The following EFCAB6 variants were observed in gnomAD, a reference collection of about 807,000 sequenced individuals.
EFCAB6 encodes EF-hand calcium binding domain 6.
In EFCAB6, 156 loss-of-function variants were observed where a neutral mutation model predicts 169.8. The ratio of observed to expected loss-of-function variants is 0.92; its 90% CI spans 0.81 to 1.05. The LOEUF (loss-of-function observed/expected upper bound fraction) is 1.05, where lower values mean the gene tolerates loss of function less well. EFCAB6 is among the 50% of genes least tolerant of loss of function. EFCAB6 has a pLI of 0.00. For missense variants in EFCAB6, 1,800 were observed against 1,829.1 expected (o/e 0.98, Z 0.29); for synonymous variants, 698 against 676.4 (o/e 1.03, Z -0.50).
At chr22:43,590,949 G>A (rs1001906464) in intron 23 of EFCAB6, among the ~76,000 whole-genome samples, 5 of 152,038 alleles carry the variant, frequency 3.3e-5, no homozygotes, top group Non-Finnish European at 5.9e-5. Context: ...GCTGGGGCAA[G>A]GGAGTGCCAG....
At chr22:43,577,867 TG>T (rs34868137) in intron 25 of EFCAB6, among the ~76,000 whole-genome samples, 1 of 144,700 alleles carries the variant, frequency 6.9e-6, no homozygotes, top group African/African-American at 2.6e-5. Context: ...CCAAGGAAAT[TG>T]GGATGTGATT....
At chr22:43,588,706 A>G (rs1287767130) in intron 24 of EFCAB6, among the ~76,000 whole-genome samples, 2 of 152,230 alleles carry the variant, frequency 1.3e-5, no homozygotes, top group Non-Finnish European at 2.9e-5. Flanking sequence ...GCAATCTTCA[A>G]GAAGATGAAG....
chr22:43,668,223 A>C (rs2057347203), intron 16 of EFCAB6, among the ~76,000 whole-genome samples: 1 of 152,224 alleles, frequency 6.6e-6, no homozygotes, highest in African/African-American at 2.4e-5. Flanking sequence ...GCTATGACAA[A>C]GTGAAGTCTG....
intron 24 of EFCAB6, among the ~76,000 whole-genome samples, chr22:43,582,514 T>A (rs1341304827): frequency 6.6e-6 from 1 of 152,192 alleles, no homozygotes; most frequent in African/African-American, 2.4e-5. Flanking sequence ...TTCAGTTCAA[T>A]AAGAACTCAG....
rs373894853 is a variant in EFCAB6 at position 43,540,238 on chromosome 22, G to A, written c.3768C>T (p.Ala1256=). 5.6e-6 allele frequency: 9 copies of A among 1,614,084 alleles called. No individual in the cohort carries two copies. Among genetic ancestry groups the A allele is most frequent in the African/African-American group, 5.3e-5 (4 of 74,926 alleles). ...AATPMATGDS[A]VAQRGSSVPD... ...GGACACTGCTCCCTCTCTGGGCCAC[G>A]GCCGAGTCACCAGTGGCCATTGGTG... Residue 1256 remains alanine, a synonymous_variant, in exon 28 of 32, where the codon GCC becomes GCT. Coordinates refer to ENST00000262726, the MANE Select transcript of EFCAB6 (RefSeq NM_022785.4).
At chr22:43,743,791 A>G (rs1201122268) in intron 6 of EFCAB6, among the ~76,000 whole-genome samples, 1 of 152,182 alleles carries the variant, frequency 6.6e-6, no homozygotes, top group Non-Finnish European at 1.5e-5. Flanking sequence ...AGAAGCCTAG[A>G]GATGGAGGAA....
At chr22:43,684,039 G>C (rs1016574502) in intron 11 of EFCAB6, among the ~76,000 whole-genome samples, 184 bp from the exon 12 acceptor site, 5 of 152,178 alleles carry the variant, frequency 3.3e-5, no homozygotes, top group African/African-American at 9.7e-5. Context: ...TGATCAGAGA[G>C]ATGCCACGAA....
intron 26 of EFCAB6, among the ~76,000 whole-genome samples, chr22:43,555,412 C>G (rs936753379): frequency 3.1e-4 from 47 of 152,332 alleles, no homozygotes; most frequent in Non-Finnish European, 1.8e-4. Flanking sequence ...TCTATTCATG[C>G]CTTCAGGCTG....
chr22:43,555,407 T>G (rs541267226), intron 26 of EFCAB6, among the ~76,000 whole-genome samples: 1 of 152,310 alleles, frequency 6.6e-6, no homozygotes, highest in East Asian at 1.9e-4. Context: ...TCTCATCTAT[T>G]CATGCCTTCA....
intron 25 of EFCAB6, among the ~76,000 whole-genome samples, chr22:43,579,442 A>G (rs1472657232): frequency 2.7e-4 from 40 of 150,458 alleles, no homozygotes; most frequent in African/African-American, 9.3e-4. Context: ...ATCATTCCCT[A>G]CATGCAAGCA....
intron 10 of EFCAB6, among the ~76,000 whole-genome samples, chr22:43,706,648 T>C (rs1012949756): frequency 3.3e-5 from 5 of 152,196 alleles, no homozygotes; most frequent in Non-Finnish European, 7.3e-5. Context: ...AGTTAAATAG[T>C]CTGATGTATA....
intron 27 of EFCAB6, among the ~76,000 whole-genome samples, chr22:43,541,698 C>T (rs2047738212): frequency 6.6e-6 from 1 of 152,168 alleles, no homozygotes; most frequent in Admixed American, 6.5e-5. Context: ...GAATCAGCTC[C>T]CCCACCTCTG....
At chr22:43,539,277 C>G (rs2047555440) in intron 28 of EFCAB6, among the ~76,000 whole-genome samples, 1 of 152,244 alleles carries the variant, frequency 6.6e-6, no homozygotes, top group Non-Finnish European at 1.5e-5. Flanking sequence ...CCTGACCCCT[C>G]TTCCCTCTGC....
At chr22:43,694,448 T>G (rs2058504596) in intron 10 of EFCAB6, among the ~76,000 whole-genome samples, 1 of 152,034 alleles carries the variant, frequency 6.6e-6, no homozygotes, top group Non-Finnish European at 1.5e-5. Context: ...TCCCAACACA[T>G]GTCCCAAGGT....
intron 6 of EFCAB6, among the ~76,000 whole-genome samples, chr22:43,747,499 G>A (rs1443243336): frequency 9.2e-5 from 14 of 152,142 alleles, no homozygotes; most frequent in Admixed American, 9.2e-4. Context: ...TTTCTGCCTT[G>A]GTGACCTGAC....
chr22:43,712,088 C>G (rs5764224), intron 9 of EFCAB6, among the ~76,000 whole-genome samples: 115,781 of 151,976 alleles, frequency 0.76, 44,251 homozygotes, highest in East Asian at 0.86. Context: ...TGCATAAACA[C>G]AATATACATT....
intron 2 of EFCAB6, among the ~76,000 whole-genome samples, chr22:43,800,207 C>T (rs2062657081): frequency 6.6e-6 from 1 of 152,216 alleles, no homozygotes; most frequent in African/African-American, 2.4e-5. Flanking sequence ...GCTGCTGGGA[C>T]ATCCCCTTTG....
intron 2 of EFCAB6, among the ~76,000 whole-genome samples, chr22:43,789,273 T>C (rs1277075213): frequency 5.9e-5 from 9 of 152,054 alleles, no homozygotes. Flanking sequence ...TTTTATGGTA[T>C]ATGAATTATA....
chr22:43,553,757 C>T (rs1457149193), intron 27 of EFCAB6: 1 of 152,384 alleles, frequency 6.6e-6, no homozygotes, highest in Non-Finnish European at 1.5e-5. Flanking sequence ...CCTTGGAAGG[C>T]CATGAAGGGC....
Sources: gnomAD v4.1 joint callset for allele counts (sites outside exome capture counted in the v4.1 genomes callset) on GRCh38, gnomAD v4.1.1 for gene constraint, MANE v1.5 for transcripts, NCBI Gene and HGNC (gene_info 2026-07-23, HGNC 2026-07-21) for gene names.